Variants in AFF2 observed in about 807,000 individuals in gnomAD.
AFF2 encodes the protein AF4/FMR2 family member 2.
AFF2 carries 14 observed loss-of-function variants against 76.9 expected under a neutral mutation model. The ratio of observed to expected loss-of-function variants is 0.18; its 90% CI spans 0.12 to 0.28. AFF2 has a LOEUF of 0.28. Ranked by LOEUF, AFF2 falls within the 10% of genes least tolerant of loss-of-function variation. The pLI is 1.00. For synonymous variants in AFF2, 398 were observed against 366.7 expected, an observed-to-expected ratio of 1.09 and a Z score of -0.98; for missense variants, 868 against 1,001.1, an observed-to-expected ratio of 0.87 and a Z score of 1.79.
intron 9 of AFF2, among the ~76,000 whole-genome samples, chrX:148,910,579 G>T (rs782596382): frequency 8.9e-5 from 10 of 112,389 alleles, no homozygotes; most frequent in African/African-American, 2.9e-4. Flanking sequence ...GGACAATGGG[G>T]GAGGAGAAAA....
chrX:148,557,359 A>G (rs2053063199), intron 1 of AFF2, among the ~76,000 whole-genome samples: 2 of 112,180 alleles, frequency 1.8e-5, no homozygotes, highest in African/African-American at 6.5e-5. Flanking sequence ...CTTACGGCCT[A>G]TTTTGCTGTT....
At chrX:148,857,593 T>G (rs2124037678) in intron 7 of AFF2, among the ~76,000 whole-genome samples, 1 of 111,887 alleles carries the variant, frequency 8.9e-6, no homozygotes, top group South Asian at 3.7e-4. Context: ...GCACTTTTAT[T>G]ATAAAAGCCT....
Position 148,935,872 on chromosome X carries a change from G to GTT in AFF2, c.1398-17696_1398-17695dup, listed in dbSNP as rs200974378. Among the ~76,000 whole-genome samples the GTT allele has an allele frequency of 9.5e-3, 944 of 99,509 alleles. 8 individuals carry two copies. Among genetic ancestry groups the GTT allele is most frequent in the East Asian group, 0.055 (178 of 3,221 alleles). The allele number at this position is 99,509 out of a possible 115,157, so 86.4% of individuals were successfully genotyped here. A position where few individuals can be genotyped will look rare whatever the true frequency, so the allele number is the denominator to read the frequency against. The stretch of plus-strand genomic sequence containing the variant: ...AGAGGGAGTATTTTTTATACTTTAG[G>GTT]TTTTTTTTTTTTTGTAAAATCATGA... On this transcript the variant is annotated intron_variant, in intron 9 of 20. Transcript: ENST00000370460.
At chrX:148,876,072 A>G (rs1326628080) in intron 7 of AFF2, among the ~76,000 whole-genome samples, 2 of 112,283 alleles carry the variant, frequency 1.8e-5, no homozygotes, top group Admixed American at 1.9e-4. Context: ...TTACTTTAAC[A>G]TGAGAACACA....
intron 13 of AFF2, among the ~76,000 whole-genome samples, 172 bp from the exon 14 acceptor site, chrX:148,966,618 C>T (rs186548147): frequency 0.017 from 1,845 of 109,406 alleles, 16 homozygotes; most frequent in Admixed American, 0.044. Flanking sequence ...TGATTCATGG[C>T]GTTCATAAAA....
intron 7 of AFF2, among the ~76,000 whole-genome samples, chrX:148,884,395 C>A (rs1447235361): frequency 8.9e-6 from 1 of 111,970 alleles, no homozygotes; most frequent in African/African-American, 3.2e-5. Flanking sequence ...TATTGGATAT[C>A]CGCTCTGCCC....
chrX:148,608,253 A>G (rs1185152228), intron 1 of AFF2, among the ~76,000 whole-genome samples: 2 of 111,752 alleles, frequency 1.8e-5, no homozygotes, highest in Non-Finnish European at 3.8e-5. Context: ...TTTTTTCCAA[A>G]TGGCTTTATG....
At chrX:148,731,050 AG>A (rs782142484) in intron 3 of AFF2, among the ~76,000 whole-genome samples, 1 of 111,771 alleles carries the variant, frequency 8.9e-6, no homozygotes, top group Non-Finnish European at 1.9e-5. Context: ...TATGGCATCC[AG>A]TTCCTTGAGT....
chrX:148,562,134 A>T (rs782454754), intron 1 of AFF2, among the ~76,000 whole-genome samples: 5 of 112,511 alleles, frequency 4.4e-5, no homozygotes, highest in Non-Finnish European at 9.4e-5. Context: ...GACAACAGTT[A>T]TGCCAGCAAA....
intron 3 of AFF2, among the ~76,000 whole-genome samples, chrX:148,786,620 A>G (rs1289431263): frequency 1.8e-5 from 2 of 111,135 alleles, no homozygotes; most frequent in Admixed American, 1.9e-4. Flanking sequence ...CACCAGTTAT[A>G]TTGGATTAGG....
At chrX:148,631,406 G>A (rs1002681999) in intron 1 of AFF2, among the ~76,000 whole-genome samples, 4 of 70,065 alleles carry the variant, frequency 5.7e-5, no homozygotes, top group African/African-American at 2.2e-4. Flanking sequence ...AAGCACATAC[G>A]TAGAAGTACA....
At chrX:148,766,370 T>G (rs2069516969) in intron 3 of AFF2, among the ~76,000 whole-genome samples, 1 of 110,100 alleles carries the variant, frequency 9.1e-6, no homozygotes, top group African/African-American at 3.3e-5. Context: ...GCACCTGTTG[T>G]TTCCTGACTT....
intron 3 of AFF2, among the ~76,000 whole-genome samples, chrX:148,746,703 G>A (rs2055425022): frequency 8.9e-6 from 1 of 112,650 alleles, no homozygotes; most frequent in African/African-American, 3.2e-5. Context: ...CTGGGCAGGA[G>A]ACAGATAAGT....
chrX:148,696,067 G>T (rs1310794103), intron 3 of AFF2, among the ~76,000 whole-genome samples: 1 of 112,176 alleles, frequency 8.9e-6, no homozygotes, highest in Non-Finnish European at 1.9e-5. Flanking sequence ...TTGATCAGGT[G>T]CCTCAGTTTT....
intron 1 of AFF2, 97 bp downstream of exon 1, chrX:148,501,241 G>A (rs1473335004): frequency 2.6e-5 from 28 of 1,066,946 alleles, no homozygotes; most frequent in Non-Finnish European, 3.6e-5. Flanking sequence ...CTGTCGTGGG[G>A]GGCGCCCCGG....
At chrX:148,843,051 C>G in intron 6 of AFF2, 49 bp downstream of exon 6, 1 of 1,044,476 alleles carries the variant, frequency 9.6e-7, no homozygotes, top group Non-Finnish European at 1.3e-6. Context: ...ATGTCCTCTG[C>G]TCCCTCATTT....
chrX:148,951,448 G>A (rs1389062745), intron 9 of AFF2, among the ~76,000 whole-genome samples: 3 of 111,512 alleles, frequency 2.7e-5, no homozygotes, highest in Non-Finnish European at 5.7e-5. Context: ...GACCAGCTTC[G>A]TATTAAAAGA....
In AFF2 at chrX:148,563,580, A is replaced by G. The variant is rs1448023494; in HGVS notation, c.47+62436A>G. 2.9e-4 allele frequency among the ~76,000 whole-genome samples: 33 copies of G among 111,918 alleles called. No homozygotes were observed. The Admixed American group carries it at 3.1e-3, about 11-fold the overall frequency. On this transcript the variant is annotated intron_variant, in intron 1 of 20. Transcript: ENST00000370460. ...TCTCAATTTTTGTGTTGAGCGGCCA[A>G]GAGGATAGTGGTGCCATTTGCTATG... is the stretch of plus-strand genomic sequence containing the variant.
chrX:148,763,231 A>C (rs782623546), intron 3 of AFF2, among the ~76,000 whole-genome samples: 1 of 112,280 alleles, frequency 8.9e-6, no homozygotes, highest in Non-Finnish European at 1.9e-5. Flanking sequence ...GTATTTAGTG[A>C]ATTTAATTAT....
Sources: gnomAD v4.1 joint callset for allele counts (sites outside exome capture counted in the v4.1 genomes callset) on GRCh38, gnomAD v4.1.1 for gene constraint, MANE v1.5 for transcripts, NCBI Gene and HGNC (gene_info 2026-07-23, HGNC 2026-07-21) for gene names.